The following ARHGEF9 variants were observed in gnomAD, a reference collection of about 807,000 sequenced individuals.
ARHGEF9 encodes the protein Cdc42 guanine nucleotide exchange factor 9.
A neutral mutation model predicts 41.3 loss-of-function variants in ARHGEF9; 2 were observed. That is an observed-to-expected ratio of 0.05 (90% CI 0.02 to 0.15). The LOEUF (loss-of-function observed/expected upper bound fraction) is 0.15. Among genes scored for constraint, ARHGEF9 ranks in the 10% least tolerant of loss-of-function variants. The pLI is 1.00. For synonymous variants in ARHGEF9, 160 were observed against 154.4 expected, an observed-to-expected ratio of 1.04 and a Z score of -0.27; for missense variants, 225 against 424.7, an observed-to-expected ratio of 0.53 and a Z score of 4.13.
At position 63,694,901 on chromosome X, in the gene ARHGEF9, A is replaced by G. The variant is rs189537425; in HGVS notation, c.582+2224T>C. Reference sequence around the variant, plus strand: ...AAGCTGATAAAAATGAAATTCTAGAACTAATAAAAGGGTAAACAATTAATT... The same window carrying G: ...AAGCTGATAAAAATGAAATTCTAGAGCTAATAAAAGGGTAAACAATTAATT... On this transcript the variant is annotated intron_variant, in intron 4 of 9. Coordinates refer to ENST00000671741, the MANE Select transcript of ARHGEF9 (RefSeq NM_001353921.2). Among the ~76,000 whole-genome samples the G allele has an allele frequency of 8.9e-5, 10 of 112,456 alleles. No homozygotes were observed. The East Asian group carries it at 2.8e-3, about 31-fold the overall frequency.
intron 7 of ARHGEF9, chrX:63,656,667 A>C (rs2048896012): frequency 9.0e-6 from 1 of 111,475 alleles, no homozygotes; most frequent in African/African-American, 3.3e-5. Flanking sequence ...AAACATACAA[A>C]AAAATGCCAC....
intron 2 of ARHGEF9, chrX:63,716,224 G>A (rs1301171193): frequency 9.1e-6 from 1 of 109,823 alleles, no homozygotes; most frequent in Non-Finnish European, 1.9e-5. Flanking sequence ...AGAGTTTGGG[G>A]CTACAGCGAG....
At chrX:63,724,787 A>G (rs1336725300) in intron 1 of ARHGEF9, 76 bp from the exon 2 acceptor site, 2 of 1,006,225 alleles carry the variant, frequency 2.0e-6, no homozygotes, top group African/African-American at 3.8e-5. Context: ...ACAGAGCTCT[A>G]CTACTTACAG....
At chrX:63,720,301 A>G (rs2053564802) in intron 2 of ARHGEF9, among the ~76,000 whole-genome samples, 2 of 112,044 alleles carry the variant, frequency 1.8e-5, no homozygotes, top group South Asian at 7.5e-4. Flanking sequence ...AAGAACAGAG[A>G]CTTCAGTGAC....
At chrX:63,660,969 C>T (rs1223105014) in intron 7 of ARHGEF9, among the ~76,000 whole-genome samples, 7 of 112,055 alleles carry the variant, frequency 6.2e-5, no homozygotes, top group Non-Finnish European at 1.1e-4. Context: ...TTCCCCACTA[C>T]CTCAGGTGGT....
intron 1 of ARHGEF9, among the ~76,000 whole-genome samples, chrX:63,752,500 T>C (rs1602707550): frequency 9.0e-6 from 1 of 111,578 alleles, no homozygotes; most frequent in Non-Finnish European, 1.9e-5. Context: ...ACAATGAAGC[T>C]AAGGGGGGAA....
intron 1 of ARHGEF9, among the ~76,000 whole-genome samples, chrX:63,783,332 C>T (rs1292062633): frequency 9.5e-6 from 1 of 104,763 alleles, no homozygotes; most frequent in African/African-American, 3.5e-5. Flanking sequence ...TGGACTGCAA[C>T]GGCACAATCT....
At chrX:63,652,107 AT>A (rs2048584444) in intron 8 of ARHGEF9, among the ~76,000 whole-genome samples, 1 of 111,785 alleles carries the variant, frequency 8.9e-6, no homozygotes, top group African/African-American at 3.2e-5. Context: ...ACATTCAGTC[AT>A]TCCACTTTAG....
intron 4 of ARHGEF9, among the ~76,000 whole-genome samples, chrX:63,695,299 C>T (rs6624554): frequency 1.8e-5 from 2 of 111,861 alleles, no homozygotes; most frequent in Non-Finnish European, 3.8e-5. Flanking sequence ...ATATATGTTG[C>T]TATAAGGTAC....
intron 4 of ARHGEF9, among the ~76,000 whole-genome samples, chrX:63,680,490 C>T (rs2050553359): frequency 8.9e-6 from 1 of 111,803 alleles, no homozygotes; most frequent in South Asian, 3.8e-4. Context: ...TCATCCCACC[C>T]AGATCTCTGA....
intron 1 of ARHGEF9, among the ~76,000 whole-genome samples, chrX:63,762,136 T>C: frequency 9.0e-6 from 1 of 111,690 alleles, no homozygotes; most frequent in East Asian, 2.8e-4. Flanking sequence ...CTGAGCCTCA[T>C]AACTCATTCA....
At chrX:63,732,500 C>A (rs782081501) in intron 1 of ARHGEF9, among the ~76,000 whole-genome samples, 1 of 111,576 alleles carries the variant, frequency 9.0e-6, no homozygotes, top group Non-Finnish European at 1.9e-5. Context: ...TCCCAACCGG[C>A]TTCCTTGGCC....
intron 1 of ARHGEF9, among the ~76,000 whole-genome samples, chrX:63,758,058 T>G (rs782144513): frequency 9.0e-6 from 1 of 111,318 alleles, no homozygotes; most frequent in Admixed American, 9.5e-5. Context: ...GGGGTTTTTT[T>G]GTGTGTGTTA....
At chrX:63,646,614 G>A (rs2048099547) in intron 8 of ARHGEF9, among the ~76,000 whole-genome samples, 1 of 112,030 alleles carries the variant, frequency 8.9e-6, no homozygotes, top group African/African-American at 3.2e-5. Context: ...CCACTATCAT[G>A]CTGTTTTGGT....
At chrX:63,676,652 A>G (rs1278102866) in intron 5 of ARHGEF9, among the ~76,000 whole-genome samples, 1 of 111,882 alleles carries the variant, frequency 8.9e-6, no homozygotes, top group Non-Finnish European at 1.9e-5. Flanking sequence ...AGCTGCTAAC[A>G]TAAGTAAGTG....
chrX:63,683,997 G>GA lies in ARHGEF9; in HGVS notation c.583-5426dup, dbSNP rs781937475. On this transcript the variant is annotated intron_variant, in intron 4 of 9. Coordinates refer to ENST00000671741, the MANE Select transcript of ARHGEF9 (RefSeq NM_001353921.2). The stretch of plus-strand genomic sequence containing the variant: ...CATCAAATTAAAAAGCTGCTATGCA[G>GA]AAAAAAAAAGTCAACAACATGCAAA... 3.7e-5 allele frequency among the ~76,000 whole-genome samples: 4 copies of GA among 108,280 alleles called. 1 individual carries two copies. In the South Asian group the frequency reaches 1.2e-3, roughly 32 times the overall value. 94.0% of individuals were successfully genotyped at this position (108,280 alleles called of 115,157 possible).
chrX:63,697,666 A>G (rs1354639958), intron 3 of ARHGEF9, among the ~76,000 whole-genome samples: 1 of 111,815 alleles, frequency 8.9e-6, no homozygotes, highest in African/African-American at 3.2e-5. Flanking sequence ...CTAAAGTTCT[A>G]TTCCTTATAG....
At chrX:63,648,606 A>G (rs1449234147) in intron 8 of ARHGEF9, among the ~76,000 whole-genome samples, 1 of 111,432 alleles carries the variant, frequency 9.0e-6, no homozygotes, top group Non-Finnish European at 1.9e-5. Context: ...AACAATACTA[A>G]CCTTAAATGT....
At chrX:63,689,864 C>T (rs2051227256) in intron 4 of ARHGEF9, among the ~76,000 whole-genome samples, 1 of 111,863 alleles carries the variant, frequency 8.9e-6, no homozygotes, top group Non-Finnish European at 1.9e-5. Context: ...TGTACAAATA[C>T]ACCGAAATTA....
Sources: gnomAD v4.1 joint callset for allele counts (sites outside exome capture counted in the v4.1 genomes callset) on GRCh38, gnomAD v4.1.1 for gene constraint, MANE v1.5 for transcripts, NCBI Gene and HGNC (gene_info 2026-07-23, HGNC 2026-07-21) for gene names.